The following PUDP variants were observed in gnomAD, a reference collection of about 807,000 sequenced individuals.
PUDP encodes the protein pseudouridine-5'-phosphatase.
In PUDP, 8 loss-of-function variants were observed where a neutral mutation model predicts 9.4. The ratio of observed to expected loss-of-function variants is 0.85; its 90% CI spans 0.50 to 1.53. PUDP has a LOEUF of 1.53. Ranked by LOEUF, PUDP falls within the 40% of genes most tolerant of loss-of-function variation. The pLI, the probability that PUDP is intolerant of heterozygous loss-of-function variation, is 0.00. For missense variants in PUDP, 188 were observed against 189.7 expected (o/e 0.99, Z 0.05); for synonymous variants, 99 against 80.7 (o/e 1.23, Z -1.22).
At chrX:7,127,754 G>A (rs1932520500) in intron 1 of PUDP, among the ~76,000 whole-genome samples, 1 of 112,240 alleles carries the variant, frequency 8.9e-6, no homozygotes, top group African/African-American at 3.2e-5. Flanking sequence ...CCATTTAAAT[G>A]CATACCTGAA....
intron 1 of PUDP, among the ~76,000 whole-genome samples, chrX:7,037,260 C>T (rs56060501): frequency 0.045 from 5,010 of 111,383 alleles, 255 homozygotes; most frequent in African/African-American, 0.15. Flanking sequence ...GGACATCTTC[C>T]AGGCTCACAA....
chrX:6,805,360 G>A (rs1305971708), intron 3 of PUDP, among the ~76,000 whole-genome samples: 1 of 110,872 alleles, frequency 9.0e-6, no homozygotes, highest in Non-Finnish European at 1.9e-5. Flanking sequence ...AAGAAGAAGA[G>A]GTGAGGGGTT....
At chrX:6,779,432 C>A (rs1372834148) in intron 3 of PUDP, among the ~76,000 whole-genome samples, 2 of 111,707 alleles carry the variant, frequency 1.8e-5, no homozygotes, top group Non-Finnish European at 3.8e-5. Context: ...ACCCACTGAG[C>A]CTGTCGACCA....
intron 3 of PUDP, among the ~76,000 whole-genome samples, chrX:7,065,843 T>C (rs759657681): frequency 3.6e-4 from 40 of 112,090 alleles, no homozygotes; most frequent in African/African-American, 1.2e-3. Flanking sequence ...TACTTATGGG[T>C]CACGTGTTCT....
chrX:6,738,901 T>A (rs971143093), intron 3 of PUDP, among the ~76,000 whole-genome samples: 1 of 111,860 alleles, frequency 8.9e-6, no homozygotes, highest in South Asian at 3.7e-4. Context: ...TCCTCTTTTT[T>A]TCGGTGCTTT....
intron 1 of PUDP, among the ~76,000 whole-genome samples, chrX:7,122,592 T>C (rs1030935515): frequency 8.9e-6 from 1 of 111,746 alleles, no homozygotes; most frequent in Non-Finnish European, 1.9e-5. Context: ...AACCACCCCC[T>C]GCCCCCGTTT....
At chrX:7,013,468 G>A (rs1199332164) in intron 1 of PUDP, among the ~76,000 whole-genome samples, 1 of 112,370 alleles carries the variant, frequency 8.9e-6, no homozygotes, top group Non-Finnish European at 1.9e-5. Context: ...GGTAATTTGG[G>A]AATACTGATT....
At chrX:6,742,792 A>G (rs150824646) in intron 3 of PUDP, among the ~76,000 whole-genome samples, 3,266 of 111,764 alleles carry the variant, frequency 0.029, 57 homozygotes, top group Non-Finnish European at 0.048. Context: ...ACAAACAAAC[A>G]AAAAACCAAA....
At chrX:6,717,613 G>A (rs971830955) in intron 1 of PUDP, among the ~76,000 whole-genome samples, 1 of 111,840 alleles carries the variant, frequency 8.9e-6, no homozygotes, top group Non-Finnish European at 1.9e-5. Context: ...CGAGACCTGT[G>A]ACTTGTTTCT....
rs147106878 is a variant in PUDP at position 6,874,298 on chromosome X, C to T, written c.*247+102835G>A. On this transcript the variant is annotated intron_variant and NMD_transcript_variant, in intron 3 of 3. Coordinates refer to the PUDP transcript ENST00000655425. The stretch of plus-strand genomic sequence containing the variant: ...TATGAAAGCTGCTTTCATAACTAAC[C>T]GCTTAATATCTACCAGTAGACATCC... Among the ~76,000 whole-genome samples the T allele has an allele frequency of 1.7e-3, 194 of 111,553 alleles. 1 individual carries two copies. Among genetic ancestry groups the T allele is most frequent in the Non-Finnish European group, 3.2e-3 (170 of 53,051 alleles).
chrX:6,961,668 G>C (rs751772138), intron 3 of PUDP, among the ~76,000 whole-genome samples: 9 of 111,708 alleles, frequency 8.1e-5, no homozygotes, highest in Non-Finnish European at 1.5e-4. Flanking sequence ...AGGAGACTGT[G>C]ATTACCATTT....
chrX:6,735,691 T>C (rs1924863257), intron 3 of PUDP, among the ~76,000 whole-genome samples: 2 of 111,415 alleles, frequency 1.8e-5, no homozygotes, highest in African/African-American at 6.5e-5. Context: ...CATCCCTCTC[T>C]TGAATTAATC....
chrX:7,135,606 A>G (rs1216878580), intron 1 of PUDP, among the ~76,000 whole-genome samples: 1 of 112,166 alleles, frequency 8.9e-6, no homozygotes, highest in Non-Finnish European at 1.9e-5. Context: ...TATTTCTTCC[A>G]TATCTCCAAC....
intron 3 of PUDP, among the ~76,000 whole-genome samples, chrX:6,825,386 G>A (rs968106692): frequency 1.8e-5 from 2 of 111,232 alleles, no homozygotes; most frequent in Admixed American, 9.6e-5. Context: ...CTGCCCACCC[G>A]CGTGGTCTGA....
intron 3 of PUDP, among the ~76,000 whole-genome samples, chrX:6,830,956 A>G (rs559817175): frequency 2.4e-4 from 27 of 111,656 alleles, no homozygotes; most frequent in African/African-American, 8.5e-4. Flanking sequence ...AGGAGACTGG[A>G]GTTTTATTAT....
chrX:6,939,957 G>C (rs1020255450), intron 3 of PUDP, among the ~76,000 whole-genome samples: 4 of 112,499 alleles, frequency 3.6e-5, no homozygotes, highest in African/African-American at 1.3e-4. Context: ...AAATGAAAAG[G>C]CTTGCATATG....
upstream of PUDP, among the ~76,000 whole-genome samples, chrX:6,726,442 A>G (rs990638142): frequency 8.9e-6 from 1 of 111,919 alleles, no homozygotes; most frequent in Admixed American, 9.5e-5. Flanking sequence ...AATGTTCCCA[A>G]CACGAAGAAA....
At chrX:6,867,334 G>C (rs1927102116) in intron 3 of PUDP, among the ~76,000 whole-genome samples, 1 of 111,970 alleles carries the variant, frequency 8.9e-6, no homozygotes, top group African/African-American at 3.2e-5. Flanking sequence ...CTCCAGGCAT[G>C]GCAGATTCAG....
chrX:6,912,420 C>T (rs1927862455), intron 3 of PUDP, among the ~76,000 whole-genome samples: 1 of 112,358 alleles, frequency 8.9e-6, no homozygotes, highest in South Asian at 3.6e-4. Context: ...TTGAATCACA[C>T]CTTTTCATTC....
Sources: allele counts gnomAD v4.1 joint callset (sites outside exome capture counted in the v4.1 genomes callset), GRCh38; gene constraint gnomAD v4.1.1; transcripts MANE v1.5; gene names NCBI Gene and HGNC (gene_info 2026-07-23, HGNC 2026-07-21).